PCDHGA4: variants seen among roughly 807,000 people sequenced by gnomAD.
PCDHGA4 encodes the protein protocadherin gamma subfamily A, 4.
In PCDHGA4, 38 loss-of-function variants were observed where a neutral mutation model predicts 54.6. The observed-to-expected ratio is 0.70, with a 90% CI of 0.54 to 0.91. PCDHGA4 has a LOEUF of 0.91. PCDHGA4 is among the 40% of genes least tolerant of loss of function. The pLI, the probability that PCDHGA4 is intolerant of heterozygous loss-of-function variation, is 0.00. For synonymous variants in PCDHGA4, 511 were observed against 512.9 expected (o/e 1.00, Z 0.05); for missense variants, 1,298 against 1,220.9 (o/e 1.06, Z -0.94).
At chr5:141,437,016 T>G (rs1025489534) in intron 1 of PCDHGA4, among the ~76,000 whole-genome samples, 1 of 152,254 alleles carries the variant, frequency 6.6e-6, no homozygotes, top group Non-Finnish European at 1.5e-5. Flanking sequence ...TTAGATAATT[T>G]CACCAGAAAA....
intron 1 of PCDHGA4, chr5:141,372,545 C>T (rs778761799): frequency 6.2e-7 from 1 of 1,614,032 alleles, no homozygotes; most frequent in South Asian, 1.1e-5. Flanking sequence ...GCCTGCGATG[C>T]TCCTCCAGAC....
At chr5:141,385,552 T>C in intron 1 of PCDHGA4, 2 of 1,315,868 alleles carry the variant, frequency 1.5e-6, no homozygotes, top group Non-Finnish European at 9.7e-7. Flanking sequence ...ACTATCACAT[T>C]TTATAATTTC....
In PCDHGA4 at chr5:141,480,546, G is replaced by A. The variant is rs184388425; in HGVS notation, c.2515-14261G>A. Reference sequence around the variant, plus strand: ...GACAAAGTAGAAGCACATATGAAAAGGCTAAGAAAGCATGAAAGCCAGCAA... The same window carrying A: ...GACAAAGTAGAAGCACATATGAAAAAGCTAAGAAAGCATGAAAGCCAGCAA... On this transcript the variant is annotated intron_variant, in intron 1 of 3. Coordinates refer to ENST00000571252, the MANE Select transcript of PCDHGA4 (RefSeq NM_018917.4). 4.9e-4 allele frequency among the ~76,000 whole-genome samples: 63 copies of A among 128,620 alleles called. 1 individual carries two copies. Among genetic ancestry groups the A allele is most frequent in the Middle Eastern group, 4.2e-3 (1 of 236 alleles). The allele number at this position is 128,620 out of a possible 152,430, so 84.4% of individuals were successfully genotyped here. A position where few individuals can be genotyped will look rare whatever the true frequency, so the allele number is the denominator to read the frequency against.
intron 1 of PCDHGA4, among the ~76,000 whole-genome samples, chr5:141,402,737 G>T (rs948478466): frequency 3.9e-5 from 6 of 152,276 alleles, no homozygotes; most frequent in East Asian, 1.9e-4. Context: ...CGCCGCTGTT[G>T]ATCAACTCTA....
chr5:141,421,901 G>C (rs754277661), intron 1 of PCDHGA4: 1 of 1,613,724 alleles, frequency 6.2e-7, no homozygotes, highest in East Asian at 2.2e-5. Flanking sequence ...ATCCGAAAGG[G>C]CGCAGTTCCC....
At chr5:141,494,776 C>T in intron 1 of PCDHGA4, 31 bp from the exon 2 acceptor site, 1 of 1,614,100 alleles carries the variant, frequency 6.2e-7, no homozygotes, top group East Asian at 2.2e-5. Context: ...CTCACGGGTA[C>T]TCAGCCCCTT....
chr5:141,374,241 G>T lies in PCDHGA4; in HGVS notation c.2514+16620G>T, dbSNP rs761928573. The T allele has an allele frequency of 2.5e-6, 4 of 1,614,020 alleles. No homozygotes were observed. In the Admixed American group the frequency reaches 6.7e-5, roughly 27 times the overall value. On this transcript the variant is annotated intron_variant, in intron 1 of 3. Transcript: ENST00000571252. Reference sequence around the variant, plus strand: ...GTAGGCAACATCGTCAAGGATCTGGGACTGGAGCCCCAGGAGTTGGCGGAG... The same window carrying T: ...GTAGGCAACATCGTCAAGGATCTGGTACTGGAGCCCCAGGAGTTGGCGGAG...
In PCDHGA4 at chr5:141,355,860, G is replaced by C. The variant is rs1289299237; in HGVS notation, c.753G>C (p.Pro251=). The C allele has an allele frequency of 1.9e-6, 3 of 1,612,220 alleles. No individual in the cohort carries two copies. The highest frequency in any genetic ancestry group is 2.5e-6 in the Non-Finnish European group (3 of 1,179,076). The change falls in exon 1 of 4, where the codon CCG becomes CCC. Residue 251 remains proline (P), a synonymous_variant. Coordinates refer to ENST00000571252, the MANE Select transcript of PCDHGA4 (RefSeq NM_018917.4). ...LVLTAFDGGD[P]VRSGTARILI... ...TCACGGCCTTCGATGGAGGTGACCC[G>C]GTTCGCTCTGGCACTGCCAGGATTC...
intron 1 of PCDHGA4, chr5:141,367,403 G>GTT (rs1765106361): frequency 2.0e-5 from 3 of 152,234 alleles, no homozygotes; most frequent in African/African-American, 7.2e-5. Context: ...CGGGCGTGGT[G>GTT]GCAGGCGCCT....
At chr5:141,419,301 T>G in intron 1 of PCDHGA4, 6 of 1,613,998 alleles carry the variant, frequency 3.7e-6, no homozygotes, top group Non-Finnish European at 5.1e-6. Context: ...GACCCAGACT[T>G]CGGGCTCAAC....
intron 1 of PCDHGA4, among the ~76,000 whole-genome samples, chr5:141,382,003 A>G (rs1271495792): frequency 6.6e-6 from 1 of 150,830 alleles, no homozygotes; most frequent in Non-Finnish European, 1.5e-5. Flanking sequence ...ATAATTTTGT[A>G]TTTTTAGTAG....
intron 1 of PCDHGA4, chr5:141,375,696 G>A: frequency 6.2e-7 from 1 of 1,614,260 alleles, no homozygotes; most frequent in African/African-American, 1.3e-5. Flanking sequence ...AGCGACAGCG[G>A]GGACCCGCCT....
chr5:141,478,424 G>A, intron 1 of PCDHGA4: 2 of 1,613,686 alleles, frequency 1.2e-6, no homozygotes, highest in African/African-American at 1.3e-5. Context: ...CCGCCGCAGC[G>A]ACCCGCTGCT....
At position 141,476,033 on chromosome 5, in the gene PCDHGA4, C is replaced by T; in HGVS notation, c.2515-18774C>T. On this transcript the variant is annotated intron_variant, in intron 1 of 3. Transcript: ENST00000571252. The surrounding 1 kb of genome is among the most constrained non-coding windows in gnomAD (Gnocchi z 7.6). The stretch of plus-strand genomic sequence containing the variant: ...GCCATGTCGGACTCGGCGCCCAGCG[C>T]CCAAGCGCTAACCCGCTGAAAGTTT... 6.8e-7 allele frequency: 1 copy of T among 1,469,590 alleles called. No individual in the cohort carries two copies. Among genetic ancestry groups the T allele is most frequent in the Non-Finnish European group, 9.0e-7 (1 of 1,105,326 alleles). 91.0% of individuals were successfully genotyped at this position (1,469,590 alleles called of 1,614,324 possible). A position where few individuals can be genotyped will look rare whatever the true frequency, so the allele number is the denominator to read the frequency against.
At chr5:141,383,985 T>C (rs924124642) in intron 1 of PCDHGA4, 1 of 1,613,822 alleles carries the variant, frequency 6.2e-7, no homozygotes, top group African/African-American at 1.3e-5. Flanking sequence ...ACACACCTCT[T>C]GGGACAGTCA....
intron 1 of PCDHGA4, among the ~76,000 whole-genome samples, chr5:141,492,781 T>C (rs945023154): frequency 9.9e-5 from 15 of 152,194 alleles, no homozygotes; most frequent in African/African-American, 3.6e-4. Flanking sequence ...TGAGTGAGCC[T>C]CTATAGGACA....
At position 141,431,307 on chromosome 5, in the gene PCDHGA4, A is replaced by G. The variant is rs1332508283; in HGVS notation, c.2515-63500A>G. On this transcript the variant is annotated intron_variant, in intron 1 of 3. Transcript: ENST00000571252. This position sits in a 1 kb window ranked among gnomAD's most constrained non-coding sequence, Gnocchi z 4.8. ...AACACTCACTTCTCCCTCATCGTGC[A>G]AAATGGAGCCGACGGTAGTAAGTAC... 3.7e-6 allele frequency: 6 copies of G among 1,614,002 alleles called. No homozygotes were observed. The African/African-American group carries it at 4.0e-5, about 11-fold the overall frequency.
rs572457971 is a variant in PCDHGA4, at chr5:141,426,319, C to T, written c.2515-68488C>T. The T allele has an allele frequency of 1.5e-3, 257 of 175,598 alleles. 1 individual carries two copies. Among genetic ancestry groups the T allele is most frequent in the Non-Finnish European group, 1.2e-3 (99 of 79,820 alleles). 10.9% of individuals were successfully genotyped at this position (175,598 alleles called of 1,614,324 possible). ...CAGGGTGAAGCAGAGAAGCAGGACC[C>T]GGCAGTGGCAAGCACTCTTCCCTTT... is the stretch of plus-strand genomic sequence containing the variant. On this transcript the variant is annotated intron_variant, in intron 1 of 3. Coordinates refer to ENST00000571252, the MANE Select transcript of PCDHGA4 (RefSeq NM_018917.4).
Position 141,376,289 on chromosome 5 carries a change from C to G in PCDHGA4, c.2514+18668C>G, listed in dbSNP as rs778496260. 2.5e-6 allele frequency: 4 copies of G among 1,614,176 alleles called. No individual in the cohort carries two copies. Among genetic ancestry groups the G allele is most frequent in the African/African-American group, 2.7e-5 (2 of 75,056 alleles). ...TTCGGGAGGTGGCTTAGCGAGCATG[C>G]CCGGCTCGCACTTTGTGGGCGTGGA... On this transcript the variant is annotated intron_variant, in intron 1 of 3. Coordinates refer to ENST00000571252, the MANE Select transcript of PCDHGA4 (RefSeq NM_018917.4).
Sources: allele counts gnomAD v4.1 joint callset (sites outside exome capture counted in the v4.1 genomes callset), GRCh38; gene constraint gnomAD v4.1.1; non-coding constraint Gnocchi (gnomAD v3.1); transcripts MANE v1.5; gene names NCBI Gene and HGNC (gene_info 2026-07-23, HGNC 2026-07-21).